Variants in SLCO3A1 observed in about 807,000 individuals in gnomAD.
SLCO3A1 encodes PGE1 transporter.
A neutral mutation model predicts 63.1 loss-of-function variants in SLCO3A1; 27 were observed. The observed-to-expected ratio is 0.43, with a 90% CI of 0.32 to 0.59. The LOEUF (loss-of-function observed/expected upper bound fraction) is 0.59. Ranked by LOEUF, SLCO3A1 falls within the 20% of genes least tolerant of loss-of-function variation. The pLI is 0.09. For missense variants in SLCO3A1, 773 were observed against 945.8 expected, an observed-to-expected ratio of 0.82 and a Z score of 2.40; for synonymous variants, 473 against 409.9, an observed-to-expected ratio of 1.15 and a Z score of -1.86.
chr15:91,952,458 C>G (rs1420460087), intron 2 of SLCO3A1, among the ~76,000 whole-genome samples: 1 of 152,172 alleles, frequency 6.6e-6, no homozygotes, highest in Non-Finnish European at 1.5e-5. Context: ...AAAGTAGGAA[C>G]CGGTGATTTG....
intron 2 of SLCO3A1, among the ~76,000 whole-genome samples, chr15:91,977,244 A>G (rs1364986057): frequency 6.6e-6 from 1 of 152,160 alleles, no homozygotes; most frequent in Non-Finnish European, 1.5e-5. Context: ...CTGGGGGGTG[A>G]CATGCACTGG....
At position 92,142,277 on chromosome 15, in the gene SLCO3A1, A is replaced by C. The variant is rs139595836; in HGVS notation, c.1513-4707A>C. Among the ~76,000 whole-genome samples, 458 of 152,288 alleles carry C rather than the reference A, an allele frequency of 3.0e-3. 3 individuals carry two copies. Among genetic ancestry groups the C allele is most frequent in the Non-Finnish European group, 5.7e-3 (387 of 68,032 alleles). ...GCTACCTTGGCCCATTTTGGCTGCT[A>C]TATCAAAACACTTTAAAGTGCATGG... On this transcript the variant is annotated intron_variant, in intron 7 of 9. Transcript: ENST00000318445.
rs1301858483 is a variant in SLCO3A1 at position 91,941,002 on chromosome 15, G to A, written c.646+24544G>A. ...TTTGCCACCCTGCCGTTTTAGGAGG[G>A]TGATTTATTGAAGTGAAGGTAGAGG... On this transcript the variant is annotated intron_variant, in intron 2 of 9. Coordinates refer to ENST00000318445, the MANE Select transcript of SLCO3A1 (RefSeq NM_013272.4). This position sits in a 1 kb window ranked among gnomAD's most constrained non-coding sequence, Gnocchi z 4.4. Among the ~76,000 whole-genome samples, 1 of 152,184 alleles carries A rather than the reference G, an allele frequency of 6.6e-6. No individual in the cohort carries two copies. Among genetic ancestry groups the A allele is most frequent in the Non-Finnish European group, 1.5e-5 (1 of 68,036 alleles).
rs759185616 is a variant in SLCO3A1 at position 91,936,291 on chromosome 15, T to G, written c.646+19833T>G. Among the ~76,000 whole-genome samples, 21 of 152,364 alleles carry G rather than the reference T, an allele frequency of 1.4e-4. No individual in the cohort carries two copies. The South Asian group carries it at 3.1e-3, about 23-fold the overall frequency. On this transcript the variant is annotated intron_variant, in intron 2 of 9. Coordinates refer to ENST00000318445, the MANE Select transcript of SLCO3A1 (RefSeq NM_013272.4). ...TCTAGATTTAAGCTATAGGAGGTTT[T>G]CGTCCTATGATCTGGAGCTGCACTG...
chr15:91,879,304 CT>C (rs11381112), intron 1 of SLCO3A1, among the ~76,000 whole-genome samples: 2,750 of 146,464 alleles, frequency 0.019, 65 homozygotes, highest in African/African-American at 0.06. Flanking sequence ...TTTTTTCTGC[CT>C]TTTTTTTTTT....
chr15:92,096,337 T>G (rs966803123), intron 3 of SLCO3A1, among the ~76,000 whole-genome samples: 1 of 152,216 alleles, frequency 6.6e-6, no homozygotes, highest in East Asian at 1.9e-4. Flanking sequence ...TTACTTCTGC[T>G]GTATTTCGTT....
intron 2 of SLCO3A1, among the ~76,000 whole-genome samples, chr15:92,077,436 G>A (rs760900521): frequency 6.6e-5 from 10 of 152,174 alleles, no homozygotes; most frequent in African/African-American, 1.7e-4. Flanking sequence ...TCCTACAGGC[G>A]GGGGAGCCAC....
chr15:91,915,228 C>T (rs935402734), intron 1 of SLCO3A1, among the ~76,000 whole-genome samples: 5 of 152,120 alleles, frequency 3.3e-5, no homozygotes, highest in Non-Finnish European at 5.9e-5. Flanking sequence ...CTCTCTCCAT[C>T]ACTTTTCTCT....
In SLCO3A1 at chr15:91,967,390, C is replaced by A. The variant is rs1278316205; in HGVS notation, c.646+50932C>A. 1.3e-5 allele frequency among the ~76,000 whole-genome samples: 2 copies of A among 152,140 alleles called. No individual in the cohort carries two copies. The highest frequency in any genetic ancestry group is 2.9e-5 in the Non-Finnish European group (2 of 68,030). On this transcript the variant is annotated intron_variant, in intron 2 of 9. Coordinates refer to ENST00000318445, the MANE Select transcript of SLCO3A1 (RefSeq NM_013272.4). The surrounding 1 kb of genome is among the most constrained non-coding windows in gnomAD (Gnocchi z 4.4). ...GATTAACCCATAAGAGTCCAAATAA[C>A]TCCCCCTGCTTGAAGCTTTATATGG... is the stretch of plus-strand genomic sequence containing the variant.
rs2048462788 is a variant in SLCO3A1, at chr15:92,163,219, C to A, written c.*84C>A. On this transcript the variant is annotated 3_prime_UTR_variant, in exon 10 of 10. Transcript: ENST00000318445. ...AAAGAAAAAAAGGTTCCAAAAAAAA[C>A]CAAAACTCAGTACACACACACAGGC... is the stretch of plus-strand genomic sequence containing the variant. 20 of 1,449,190 alleles carry A rather than the reference C, an allele frequency of 1.4e-5. No homozygotes were observed. The highest frequency in any genetic ancestry group is 2.1e-4 in the Middle Eastern group (1 of 4,854). 89.8% of individuals were successfully genotyped at this position (1,449,190 alleles called of 1,614,324 possible). A position where few individuals can be genotyped will look rare whatever the true frequency, so the allele number is the denominator to read the frequency against.
At chr15:91,889,122 T>G in intron 1 of SLCO3A1, 1 of 1,261,106 alleles carries the variant, frequency 7.9e-7, no homozygotes, top group Non-Finnish European at 1.0e-6. Flanking sequence ...TCCAGCTAAG[T>G]GGACGTGGAT....
Position 91,950,370 on chromosome 15 carries a change from G to A in SLCO3A1, c.646+33912G>A, listed in dbSNP as rs986405070. The stretch of plus-strand genomic sequence containing the variant: ...TGGGACAGGGGCCCTGGCTGGGCAG[G>A]CAGGGGGAGCCCAGCCCTGTCACTG... On this transcript the variant is annotated intron_variant, in intron 2 of 9. Coordinates refer to ENST00000318445, the MANE Select transcript of SLCO3A1 (RefSeq NM_013272.4). The surrounding 1 kb of genome is among the most constrained non-coding windows in gnomAD (Gnocchi z 4.4). 2.6e-5 allele frequency among the ~76,000 whole-genome samples: 4 copies of A among 152,170 alleles called. No individual in the cohort carries two copies. Among genetic ancestry groups the A allele is most frequent in the Non-Finnish European group, 5.9e-5 (4 of 68,030 alleles).
intron 1 of SLCO3A1, among the ~76,000 whole-genome samples, chr15:91,889,515 C>G (rs1897818131): frequency 6.6e-6 from 1 of 152,244 alleles, no homozygotes; most frequent in Non-Finnish European, 1.5e-5. Flanking sequence ...ATTGACTGAT[C>G]TGGAAGCTCT....
intron 2 of SLCO3A1, among the ~76,000 whole-genome samples, chr15:92,003,361 G>C (rs17695293): frequency 0.2 from 30,841 of 152,128 alleles, 3,417 homozygotes; most frequent in East Asian, 0.4. Context: ...GCTAACAAAT[G>C]TCTCGGCTTC....
At position 92,066,261 on chromosome 15, in the gene SLCO3A1, G is replaced by C. The variant is rs180704912; in HGVS notation, c.647-28620G>C. Among the ~76,000 whole-genome samples the C allele has an allele frequency of 3.2e-3, 480 of 152,344 alleles. 2 individuals are homozygous for C. Among genetic ancestry groups the C allele is most frequent in the Non-Finnish European group, 5.4e-3 (370 of 68,026 alleles). ...CCAAGCACTCATAGGATGCCCTCAG[G>C]CTCTTCAGGGGAAGAGTGACCCAAC... On this transcript the variant is annotated intron_variant, in intron 2 of 9. Transcript: ENST00000318445.
In SLCO3A1 at chr15:92,133,095, CTG is replaced by C. The variant is rs2048015781; in HGVS notation, c.1512+4610_1512+4611del. On this transcript the variant is annotated intron_variant, in intron 7 of 9. Transcript: ENST00000318445. Reference sequence around the variant, plus strand: ...TTGTCATGAGGCGCTGCCCTATGCACTGTGTTTTTACCAGCATCCCTGGGCTC... The same window carrying C: ...TTGTCATGAGGCGCTGCCCTATGCACTGTTTTTACCAGCATCCCTGGGCTC... 1.4e-5 allele frequency among the ~76,000 whole-genome samples: 2 copies of C among 145,778 alleles called. 1 individual carries two copies. The highest frequency in any genetic ancestry group is 3.1e-5 in the Non-Finnish European group (2 of 65,100).
At chr15:92,031,703 T>C (rs1246473251) in intron 2 of SLCO3A1, among the ~76,000 whole-genome samples, 1 of 152,114 alleles carries the variant, frequency 6.6e-6, no homozygotes, top group Non-Finnish European at 1.5e-5. Context: ...ATTTATGGGG[T>C]ACATGAGATA....
rs559746080 is a variant in SLCO3A1, at chr15:92,010,409, G to C, written c.647-84472G>C. ...AACCAGTTTAACTGCATTCAGTCCA[G>C]CGTTTCTCAGTTTCATTTGGTCTAG... On this transcript the variant is annotated intron_variant, in intron 2 of 9. Coordinates refer to ENST00000318445, the MANE Select transcript of SLCO3A1 (RefSeq NM_013272.4). Among the ~76,000 whole-genome samples, 6 of 152,302 alleles carry C rather than the reference G, an allele frequency of 3.9e-5. No individual in the cohort carries two copies. In the East Asian group the frequency reaches 1.2e-3, roughly 29 times the overall value.
intron 2 of SLCO3A1, among the ~76,000 whole-genome samples, chr15:91,979,601 A>G (rs191728275): frequency 6.6e-6 from 1 of 152,272 alleles, no homozygotes; most frequent in Admixed American, 6.5e-5. Context: ...GCCGTGTAGA[A>G]GTAAATTTGC....
Sources: allele counts gnomAD v4.1 joint callset (sites outside exome capture counted in the v4.1 genomes callset), GRCh38; gene constraint gnomAD v4.1.1; non-coding constraint Gnocchi (gnomAD v3.1); transcripts MANE v1.5; gene names NCBI Gene and HGNC (gene_info 2026-07-23, HGNC 2026-07-21).